Variants in YY1AP1 observed in about 807,000 individuals in gnomAD.
YY1AP1 encodes YY1 associated protein 1.
A neutral mutation model predicts 39.9 loss-of-function variants in YY1AP1; 43 were observed. The ratio of observed to expected loss-of-function variants is 1.08; its 90% CI spans 0.84 to 1.39. The LOEUF (loss-of-function observed/expected upper bound fraction) is 1.39, where lower values mean the gene tolerates loss of function less well. Ranked by LOEUF, YY1AP1 falls within the 40% of genes most tolerant of loss-of-function variation. The pLI is 0.00. For missense variants in YY1AP1, 813 were observed against 900.7 expected, an observed-to-expected ratio of 0.90 and a Z score of 1.25; for synonymous variants, 292 against 331.3, an observed-to-expected ratio of 0.88 and a Z score of 1.29.
chr1:155,670,855 T>C (rs575484508), intron 7 of YY1AP1: 16 of 230,784 alleles, frequency 6.9e-5, no homozygotes, highest in African/African-American at 3.3e-4. Context: ...TTTGTATTTT[T>C]AGTAGAGACG....
At chr1:155,688,812 G>C, upstream of YY1AP1, 1 of 1,562,750 alleles carries the variant, frequency 6.4e-7, no homozygotes, top group Non-Finnish European at 8.7e-7. Context: ...CCCCACCGCG[G>C]GACTGTTCCA....
In YY1AP1 at chr1:155,672,710, G is replaced by C. The variant is rs1395132982; in HGVS notation, c.433C>G (p.Gln145Glu). The C allele has an allele frequency of 3.1e-6, 5 of 1,614,184 alleles. No homozygotes were observed. Among genetic ancestry groups the C allele is most frequent in the Non-Finnish European group, 4.2e-6 (5 of 1,180,036 alleles). The change falls in exon 7 of 11, where the codon CAA (glutamine) becomes GAA (glutamate). Residue 145 changes from glutamine (Q) to glutamate (E), a missense_variant. Coordinates refer to ENST00000355499, the MANE Select transcript of YY1AP1 (RefSeq NM_139119.3). ...ICLKELGTFA[Q>E]SSIALHHQYN... is the part of the protein sequence containing the mutation. ...TGATGGTGAAGGGCGATGGAGCTTT[G>C]AGCAAAGGTTCCCAGCTCTTTCTGG...
Position 155,668,831 on chromosome 1 carries a change from G to C in YY1AP1, c.729-54C>G, listed in dbSNP as rs1649442250. ...CACTTCACAGTCCTTCCTTCTAAAG[G>C]GCCTCCCCAGACTAACACATTTTAC... On this transcript the variant is annotated intron_variant, in intron 8 of 10. Transcript: ENST00000355499. 6.2e-6 allele frequency: 10 copies of C among 1,612,326 alleles called. No homozygotes were observed. In the South Asian group the frequency reaches 9.9e-5, roughly 16 times the overall value.
rs201026625 is a variant in YY1AP1 at position 155,674,748 on chromosome 1, C to G, written c.411+262G>C. ...GGCTGAGGCAGGAGAATCACTTGAACCCGGGAGGCAGGGGTTGCAGTGAAC... is the reference window on the plus strand; with the variant it reads ...GGCTGAGGCAGGAGAATCACTTGAAGCCGGGAGGCAGGGGTTGCAGTGAAC... On this transcript the variant is annotated intron_variant, in intron 6 of 10. Transcript: ENST00000355499. 23 of 261,496 alleles carry G rather than the reference C, an allele frequency of 8.8e-5. No homozygotes were observed. In the East Asian group the frequency reaches 2.3e-3, roughly 26 times the overall value. The allele number at this position is 261,496 out of a possible 1,614,324, so 16.2% of individuals were successfully genotyped here.
At position 155,688,576 on chromosome 1, in the gene YY1AP1, C is replaced by T. The variant is rs566359631; in HGVS notation, c.-152+83G>A. 658 of 1,537,376 alleles carry T rather than the reference C, an allele frequency of 4.3e-4. 1 individual carries two copies. In the African/African-American group the frequency reaches 8.0e-3, roughly 19 times the overall value. On this transcript the variant is annotated intron_variant, in intron 1 of 10. Transcript: ENST00000355499. ...GCGAGCCAGCCATCCCGTACGCGCTCACCCACGGGAACCTCCTCGCCCAGT... is the reference window on the plus strand; with the variant it reads ...GCGAGCCAGCCATCCCGTACGCGCTTACCCACGGGAACCTCCTCGCCCAGT...
intron 6 of YY1AP1, chr1:155,674,787 C>T (rs932086285): frequency 1.3e-4 from 48 of 374,542 alleles, no homozygotes; most frequent in Non-Finnish European, 1.4e-4. Flanking sequence ...AATTGTTCCA[C>T]CGCACTCCAT....
At chr1:155,688,550 T>A in intron 1 of YY1AP1, 109 bp downstream of exon 1, 4 of 1,539,904 alleles carry the variant, frequency 2.6e-6, no homozygotes, top group African/African-American at 1.4e-5. Context: ...TCGGCCGTCC[T>A]GCGAGCCAGC....
chr1:155,661,176 G>C (rs1648040431), intron 10 of YY1AP1, 131 bp downstream of exon 10: 1 of 1,600,116 alleles, frequency 6.2e-7, no homozygotes, highest in African/African-American at 1.3e-5. Context: ...GGGAAGAAAG[G>C]TGAATCAGGA....
intron 2 of YY1AP1, among the ~76,000 whole-genome samples, chr1:155,686,339 A>C (rs1486646790): frequency 6.6e-6 from 1 of 152,000 alleles, no homozygotes; most frequent in African/African-American, 2.4e-5. Flanking sequence ...TACAGGTGTG[A>C]GCCACCGCGC....
chr1:155,665,947 A>G (rs1417764000), intron 9 of YY1AP1, among the ~76,000 whole-genome samples: 1 of 152,136 alleles, frequency 6.6e-6, no homozygotes, highest in Non-Finnish European at 1.5e-5. Context: ...CAACACGCTT[A>G]AAGTGGAATA....
intron 5 of YY1AP1, among the ~76,000 whole-genome samples, chr1:155,676,198 G>C (rs533149965): frequency 2.0e-5 from 3 of 152,074 alleles, no homozygotes; most frequent in African/African-American, 7.2e-5. Context: ...CTCCAGCCTG[G>C]GTGACAGAGC....
At chr1:155,674,326 A>C (rs1019047360) in intron 6 of YY1AP1, among the ~76,000 whole-genome samples, 2 of 151,868 alleles carry the variant, frequency 1.3e-5, no homozygotes, top group African/African-American at 4.8e-5. Flanking sequence ...ACAAAACAAA[A>C]AAAACACAGA....
rs1371665336 is a variant in YY1AP1, at chr1:155,659,815, G to A, written c.2095C>T (p.Arg699Cys). ...TCCTCTGTTTTCACAACGGTCCAGC[G>A]ATAGGCACTGTTCTCTGACAATCCT... is the stretch of plus-strand genomic sequence containing the variant. ...QEGLSENSAY[R>C]WTVVKTEEGR... Residue 699 changes from arginine to cysteine, a missense_variant, in exon 11 of 11, where the codon CGC becomes TGC. Physicochemically the swap from Arg to Cys is radical, Grantham distance 180 (BLOSUM62 -3). Around this residue, in one of 3 missense-constraint regions of YY1AP1, gnomAD observed 586 missense variants for 647.4 expected, o/e 0.91. Transcript: ENST00000355499. 1.4e-5 allele frequency: 23 copies of A among 1,614,080 alleles called. No individual in the cohort carries two copies. Among genetic ancestry groups the A allele is most frequent in the Middle Eastern group, 1.6e-4 (1 of 6,084 alleles).
chr1:155,668,507 A>G (rs1649385582), intron 9 of YY1AP1, 120 bp downstream of exon 9: 4 of 1,497,710 alleles, frequency 2.7e-6, no homozygotes, highest in Admixed American at 1.8e-5. Context: ...AATCTAGTAT[A>G]TAAGTAGGAG....
Position 155,660,917 on chromosome 1 carries a change from T to A in YY1AP1, c.997-4A>T. 6.2e-7 allele frequency: 1 copy of A among 1,614,088 alleles called. No homozygotes were observed. The highest frequency in any genetic ancestry group is 8.5e-7 in the Non-Finnish European group (1 of 1,180,044). On this transcript the variant is annotated splice_region_variant and splice_polypyrimidine_tract_variant and intron_variant, in intron 10 of 10. Coordinates refer to ENST00000355499, the MANE Select transcript of YY1AP1 (RefSeq NM_139119.3). Reference sequence around the variant, plus strand: ...CCTGGATGGATGGCAGACTGGCCTATTGGAAATGAGAACACTCTGATCCAG... The same window carrying A: ...CCTGGATGGATGGCAGACTGGCCTAATGGAAATGAGAACACTCTGATCCAG...
chr1:155,675,154 C>T, intron 5 of YY1AP1, 58 bp from the exon 6 acceptor site: 1 of 1,530,306 alleles, frequency 6.5e-7, no homozygotes, highest in Non-Finnish European at 9.0e-7. Context: ...TTTCAGGAGC[C>T]CAGAGATATT....
Position 155,679,420 on chromosome 1 carries a change from A to G in YY1AP1, c.114T>C (p.Pro38=). The change falls in exon 4 of 11, where the codon CCT becomes CCC. Residue 38 remains proline, a synonymous_variant. Coordinates refer to ENST00000355499, the MANE Select transcript of YY1AP1 (RefSeq NM_139119.3). ...VAEPQANFNT[P]QALRFEELLA... is the part of the protein sequence containing the mutation. ...TTCAACTAGCCTACCGTAGAGCTTG[A>G]GGGGTGTTAAAGTTAGCTTGAGGCT... 10 of 1,614,078 alleles carry G rather than the reference A, an allele frequency of 6.2e-6. No homozygotes were observed. Among genetic ancestry groups the G allele is most frequent in the Non-Finnish European group, 8.5e-6 (10 of 1,180,004 alleles).
chr1:155,681,591 A>G (rs2149067642), intron 2 of YY1AP1, among the ~76,000 whole-genome samples: 1 of 149,694 alleles, frequency 6.7e-6, no homozygotes, highest in African/African-American at 2.5e-5. Flanking sequence ...ACTGTCTCCA[A>G]AAAAAAAAGA....
chr1:155,675,621 GCCTT>G (rs1377702482), intron 5 of YY1AP1, among the ~76,000 whole-genome samples: 1 of 151,778 alleles, frequency 6.6e-6, no homozygotes, highest in Non-Finnish European at 1.5e-5. Context: ...ACTGTGCCCA[GCCTT>G]ATTTTTATTT....
Sources: gnomAD v4.1 joint callset for allele counts (sites outside exome capture counted in the v4.1 genomes callset) on GRCh38, gnomAD v4.1.1 for gene constraint, gnomAD v4.1.1 regional missense constraint, MANE v1.5 for transcripts, NCBI Gene and HGNC (gene_info 2026-07-23, HGNC 2026-07-21) for gene names.